ENPP6: variants seen among roughly 807,000 people sequenced by gnomAD.
The protein encoded by ENPP6 is glycerophosphocholine cholinephosphodiesterase ENPP6.
ENPP6 carries 32 observed loss-of-function variants against 42.0 expected under a neutral mutation model. That is an observed-to-expected ratio of 0.76 (90% CI 0.58 to 1.02). The LOEUF (loss-of-function observed/expected upper bound fraction) is 1.02. ENPP6 is among the 50% of genes least tolerant of loss of function. The pLI is 0.00. For synonymous variants in ENPP6, 213 were observed against 216.0 expected (o/e 0.99, Z 0.12); for missense variants, 552 against 566.8 (o/e 0.97, Z 0.27).
chr4:184,153,616 G>A lies in ENPP6; in HGVS notation c.359C>T (p.Ser120Leu). 1 of 1,614,192 alleles carries A rather than the reference G, an allele frequency of 6.2e-7. No individual in the cohort carries two copies. Among genetic ancestry groups the A allele is most frequent in the African/African-American group, 1.3e-5 (1 of 75,044 alleles). ...DSLMPLWWNG[S>L]EPLWVTLTKA... Reference sequence around the variant, plus strand: ...GGTCAGAGTGACCCACAGAGGTTCTGATCCATTCCACCAGAGAGGCATTAG... The same window carrying A: ...GGTCAGAGTGACCCACAGAGGTTCTAATCCATTCCACCAGAGAGGCATTAG... The change falls in exon 2 of 8, where the codon TCA becomes TTA. Residue 120 changes from serine to leucine, a missense_variant. By Grantham distance (145) the Ser-to-Leu change is moderately radical. Transcript: ENST00000296741.
chr4:184,114,774 A>G (rs1043640406), intron 5 of ENPP6, among the ~76,000 whole-genome samples: 2 of 152,180 alleles, frequency 1.3e-5, no homozygotes, highest in African/African-American at 4.8e-5. Flanking sequence ...TTGCCAAAAA[A>G]AAAAAAGAAA....
In ENPP6 at chr4:184,110,760, T is replaced by C. The variant is rs568152505; in HGVS notation, c.993+1912A>G. 5.0e-3 allele frequency among the ~76,000 whole-genome samples: 756 copies of C among 152,322 alleles called. 6 individuals are homozygous for C. Among genetic ancestry groups the C allele is most frequent in the African/African-American group, 0.017 (712 of 41,562 alleles). ...GTTGCTGGATTCAGCAATCCTGGAA[T>C]TGCCTGCCTCCAGACTTCTAGTTAT... On this transcript the variant is annotated intron_variant, in intron 6 of 7. Coordinates refer to ENST00000296741, the MANE Select transcript of ENPP6 (RefSeq NM_153343.4).
At chr4:184,157,381 A>C (rs375714060) in intron 1 of ENPP6, among the ~76,000 whole-genome samples, 130 of 152,134 alleles carry the variant, frequency 8.5e-4, no homozygotes, top group African/African-American at 2.9e-3. Context: ...CATCTTTAAC[A>C]AGCATCATAA....
At chr4:184,097,115 T>G (rs1579605078) in intron 7 of ENPP6, 130 bp downstream of exon 7, 89 of 1,375,018 alleles carry the variant, frequency 6.5e-5, no homozygotes, top group East Asian at 4.8e-5. Flanking sequence ...ACCGGCTGGG[T>G]TTGCTCTGCT....
rs140671838 is a variant in ENPP6 at position 184,206,598 on chromosome 4, T to C, written c.241+10981A>G. ...CAGAAGGCTGAGGATGTGGGCTCTCTCGAAACACGATTGTTCAAGTACTTT... is the reference window on the plus strand; with the variant it reads ...CAGAAGGCTGAGGATGTGGGCTCTCCCGAAACACGATTGTTCAAGTACTTT... On this transcript the variant is annotated intron_variant, in intron 1 of 7. Transcript: ENST00000296741. 1.3e-3 allele frequency among the ~76,000 whole-genome samples: 193 copies of C among 152,280 alleles called. 1 individual carries two copies. The highest frequency in any genetic ancestry group is 4.5e-3 in the African/African-American group (186 of 41,568).
At chr4:184,099,256 C>T (rs1735960797) in intron 6 of ENPP6, among the ~76,000 whole-genome samples, 1 of 152,264 alleles carries the variant, frequency 6.6e-6, no homozygotes, top group African/African-American at 2.4e-5. Context: ...TCACCTTGCA[C>T]TTCACATCCT....
intron 6 of ENPP6, among the ~76,000 whole-genome samples, chr4:184,107,917 T>TAA (rs34041004): frequency 8.0e-4 from 93 of 115,936 alleles, no homozygotes; most frequent in Middle Eastern, 4.9e-3. Flanking sequence ...TCAGTCTCAA[T>TAA]AAAAAAAAAA....
chr4:184,142,756 G>A (rs1736844508), intron 2 of ENPP6, among the ~76,000 whole-genome samples: 1 of 152,248 alleles, frequency 6.6e-6, no homozygotes, highest in African/African-American at 2.4e-5. Flanking sequence ...CCCAGGCTGA[G>A]TCTCAGCTTC....
At chr4:184,129,669 G>A (rs1346528661) in intron 2 of ENPP6, among the ~76,000 whole-genome samples, 1 of 152,114 alleles carries the variant, frequency 6.6e-6, no homozygotes, top group African/African-American at 2.4e-5. Flanking sequence ...TTATAAAACT[G>A]AGAAGCAATT....
At chr4:184,174,150 T>C (rs1003950146) in intron 1 of ENPP6, among the ~76,000 whole-genome samples, 2 of 151,208 alleles carry the variant, frequency 1.3e-5, no homozygotes, top group Non-Finnish European at 3.0e-5. Flanking sequence ...TTTTTTTTTT[T>C]TTTCCGAGAC....
chr4:184,101,360 G>A (rs1237937531), intron 6 of ENPP6, among the ~76,000 whole-genome samples: 1 of 150,834 alleles, frequency 6.6e-6, no homozygotes. Flanking sequence ...GTAGCACTGG[G>A]GTAGGGAGAT....
chr4:184,189,579 C>T (rs1732687220), intron 1 of ENPP6, among the ~76,000 whole-genome samples: 1 of 152,186 alleles, frequency 6.6e-6, no homozygotes, highest in African/African-American at 2.4e-5. Context: ...GACAGTCCTG[C>T]CTTTCCACGG....
chr4:184,099,171 C>T (rs540226983), intron 6 of ENPP6, among the ~76,000 whole-genome samples: 3 of 152,322 alleles, frequency 2.0e-5, no homozygotes, highest in East Asian at 3.9e-4. Context: ...ATCTATCTCC[C>T]GGTGCCTGGG....
intron 1 of ENPP6, among the ~76,000 whole-genome samples, chr4:184,200,126 A>C (rs1732867799): frequency 6.6e-6 from 1 of 152,208 alleles, no homozygotes; most frequent in Admixed American, 6.5e-5. Flanking sequence ...AGATGATGAG[A>C]GCAAACTCAT....
At chr4:184,167,430 G>T (rs541802203) in intron 1 of ENPP6, among the ~76,000 whole-genome samples, 1 of 152,296 alleles carries the variant, frequency 6.6e-6, no homozygotes, top group South Asian at 2.1e-4. Context: ...AATGAGTGAT[G>T]ATTTCAAACA....
chr4:184,111,046 A>G lies in ENPP6; in HGVS notation c.993+1626T>C, dbSNP rs370328131. Among the ~76,000 whole-genome samples, 40 of 152,250 alleles carry G rather than the reference A, an allele frequency of 2.6e-4. 1 individual carries two copies. The South Asian group carries it at 8.1e-3, about 31-fold the overall frequency. On this transcript the variant is annotated intron_variant, in intron 6 of 7. Transcript: ENST00000296741. ...ACCAAGACCTTTCTCGCTGGAATTGAGATGGCACCTCATTAGTCATCCAGC... is the reference window on the plus strand; with the variant it reads ...ACCAAGACCTTTCTCGCTGGAATTGGGATGGCACCTCATTAGTCATCCAGC...
rs1735738491 is a variant in ENPP6 at position 184,088,980 on chromosome 4, A to C, written c.*2197T>G. On this transcript the variant is annotated 3_prime_UTR_variant, in exon 8 of 8. Transcript: ENST00000296741. ...CTCTTGAGTTTGATGATCCAATTTT[A>C]ATTTAATCATTTGAGTATCTCTTAG... 6.6e-6 allele frequency: 1 copy of C among 152,214 alleles called. No individual in the cohort carries two copies. 9.4% of individuals were successfully genotyped at this position (152,214 alleles called of 1,614,324 possible).
rs981992512 is a variant in ENPP6 at position 184,116,750 on chromosome 4, A to C, written c.855+106T>G. 6 of 1,440,540 alleles carry C rather than the reference A, an allele frequency of 4.2e-6. No homozygotes were observed. The African/African-American group carries it at 8.6e-5, about 21-fold the overall frequency. The allele number at this position is 1,440,540 out of a possible 1,614,324, so 89.2% of individuals were successfully genotyped here. On this transcript the variant is annotated intron_variant, in intron 5 of 7. Coordinates refer to ENST00000296741, the MANE Select transcript of ENPP6 (RefSeq NM_153343.4). Reference sequence around the variant, plus strand: ...CTCTGCCTCAAAAAAAGAAACAAACACACACACACAAAACAAAACAAAAAA... The same window carrying C: ...CTCTGCCTCAAAAAAAGAAACAAACCCACACACACAAAACAAAACAAAAAA...
chr4:184,204,972 C>T (rs1732971638), intron 1 of ENPP6, among the ~76,000 whole-genome samples: 1 of 152,022 alleles, frequency 6.6e-6, no homozygotes, highest in African/African-American at 2.4e-5. Context: ...CTCATGTTGC[C>T]CAGGCTGGAG....
Sources: allele counts gnomAD v4.1 joint callset (sites outside exome capture counted in the v4.1 genomes callset), GRCh38; gene constraint gnomAD v4.1.1; transcripts MANE v1.5; gene names NCBI Gene and HGNC (gene_info 2026-07-23, HGNC 2026-07-21).